The following TAFA2 variants were observed in gnomAD, a reference collection of about 807,000 sequenced individuals.
TAFA2 encodes the protein TAFA chemokine like family member 2, also known as chemokine-like protein TAFA-2.
TAFA2 carries 7 observed loss-of-function variants against 18.8 expected under a neutral mutation model. That is an observed-to-expected ratio of 0.37 (90% CI 0.21 to 0.70). The LOEUF (loss-of-function observed/expected upper bound fraction) is 0.70. Ranked by LOEUF, TAFA2 falls within the 30% of genes least tolerant of loss-of-function variation. The pLI is 0.53. For missense variants in TAFA2, 122 were observed against 158.1 expected, an observed-to-expected ratio of 0.77 and a Z score of 1.23; for synonymous variants, 60 against 54.2, an observed-to-expected ratio of 1.11 and a Z score of -0.47.
intron 1 of TAFA2, among the ~76,000 whole-genome samples, chr12:62,211,851 T>C (rs76212714): frequency 0.022 from 3,361 of 152,312 alleles, 124 homozygotes; most frequent in African/African-American, 0.075. Flanking sequence ...ATATATGTAC[T>C]TGAGTTATTC....
At chr12:61,897,810 T>C (rs1443732261) in intron 1 of TAFA2, among the ~76,000 whole-genome samples, 1 of 152,194 alleles carries the variant, frequency 6.6e-6, no homozygotes, top group Non-Finnish European at 1.5e-5. Context: ...AAACCTATCA[T>C]GCCTTCCCAA....
chr12:61,928,290 C>G (rs1877395769), intron 1 of TAFA2, among the ~76,000 whole-genome samples: 1 of 152,148 alleles, frequency 6.6e-6, no homozygotes, highest in Non-Finnish European at 1.5e-5. Context: ...CCAGAATGTA[C>G]AAGGAACTTA....
At chr12:61,963,003 G>T (rs1352283533) in intron 1 of TAFA2, among the ~76,000 whole-genome samples, 5 of 152,006 alleles carry the variant, frequency 3.3e-5, no homozygotes, top group Non-Finnish European at 5.9e-5. Context: ...GTCTTAGTTT[G>T]CTGAGAATGA....
intron 4 of TAFA2, among the ~76,000 whole-genome samples, chr12:61,722,432 C>A (rs917588153): frequency 2.0e-5 from 3 of 151,960 alleles, no homozygotes; most frequent in Admixed American, 6.6e-5. Context: ...AGTCTAGATG[C>A]CTTTATTTAG....
At chr12:62,159,137 C>A (rs991656221) in intron 1 of TAFA2, among the ~76,000 whole-genome samples, 1 of 152,178 alleles carries the variant, frequency 6.6e-6, no homozygotes, top group African/African-American at 2.4e-5. Context: ...TCTTCTGTTT[C>A]TGTAAATGCG....
intron 2 of TAFA2, among the ~76,000 whole-genome samples, chr12:61,786,185 G>A (rs1870730069): frequency 6.6e-6 from 1 of 151,608 alleles, no homozygotes; most frequent in African/African-American, 2.4e-5. Context: ...TCAAAAGCCA[G>A]ACTAGGAAAT....
At chr12:61,971,184 A>T (rs1879234884) in intron 1 of TAFA2, among the ~76,000 whole-genome samples, 1 of 151,690 alleles carries the variant, frequency 6.6e-6, no homozygotes, top group Non-Finnish European at 1.5e-5. Context: ...ATGAAGGAAG[A>T]CTTCCTGGAA....
intron 1 of TAFA2, chr12:62,206,884 T>C (rs1322298666): frequency 2.6e-5 from 4 of 152,040 alleles, no homozygotes; most frequent in Non-Finnish European, 4.4e-5. Flanking sequence ...TGGTTTTTTT[T>C]ACCATGTTTC....
At chr12:62,041,686 C>G (rs554324405) in intron 1 of TAFA2, among the ~76,000 whole-genome samples, 54 of 152,076 alleles carry the variant, frequency 3.6e-4, no homozygotes, top group Non-Finnish European at 7.4e-4. Context: ...TTATTCCTCT[C>G]CTCAATAAAG....
At chr12:62,059,139 A>ATGTGTGTGTGTGTGTGTGTGTGTGTGTG (rs374882700) in intron 1 of TAFA2, among the ~76,000 whole-genome samples, 3 of 136,328 alleles carry the variant, frequency 2.2e-5, no homozygotes, top group African/African-American at 5.6e-5. Context: ...ATGTGTGTAT[A>ATGTGTGTGTGTGTGTGTGTGTGTGTGTG]TGTGTGTGTG....
chr12:62,135,851 C>T (rs1049016494), intron 1 of TAFA2: 2 of 152,038 alleles, frequency 1.3e-5, no homozygotes, highest in African/African-American at 4.8e-5. Flanking sequence ...TTTTCTTATT[C>T]TGTGATGTGA....
intron 2 of TAFA2, among the ~76,000 whole-genome samples, chr12:61,846,777 A>C (rs1158470783): frequency 6.6e-6 from 1 of 152,212 alleles, no homozygotes; most frequent in Non-Finnish European, 1.5e-5. Context: ...ACATTTTGGT[A>C]GAGGTATTTA....
chr12:61,765,408 C>T (rs930809581), intron 2 of TAFA2, among the ~76,000 whole-genome samples: 3 of 151,966 alleles, frequency 2.0e-5, no homozygotes, highest in African/African-American at 7.2e-5. Context: ...TATGTTAAGC[C>T]AATGATTTTG....
chr12:62,197,794 A>C (rs2062654933), intron 1 of TAFA2, among the ~76,000 whole-genome samples: 1 of 152,134 alleles, frequency 6.6e-6, no homozygotes, highest in African/African-American at 2.4e-5. Context: ...ATTCTTTTTT[A>C]CTTCCAAGTA....
At chr12:62,182,682 T>G (rs1426931165) in intron 1 of TAFA2, among the ~76,000 whole-genome samples, 1 of 152,186 alleles carries the variant, frequency 6.6e-6, no homozygotes, top group Non-Finnish European at 1.5e-5. Context: ...TTGCATAAAT[T>G]TAAACTTCTG....
chr12:61,824,780 G>A (rs1872473196), intron 2 of TAFA2, among the ~76,000 whole-genome samples: 2 of 152,082 alleles, frequency 1.3e-5, no homozygotes, highest in South Asian at 2.1e-4. Context: ...AGTGCTCTGG[G>A]GGATTCAGAG....
intron 2 of TAFA2, among the ~76,000 whole-genome samples, chr12:61,856,303 C>G (rs1481399010): frequency 6.6e-6 from 1 of 151,720 alleles, no homozygotes; most frequent in Non-Finnish European, 1.5e-5. Context: ...ATAAAGAGCT[C>G]TTATAAAGCC....
At chr12:61,817,303 A>T (rs1167810280) in intron 2 of TAFA2, among the ~76,000 whole-genome samples, 1 of 152,146 alleles carries the variant, frequency 6.6e-6, no homozygotes, top group Admixed American at 6.6e-5. Flanking sequence ...TTCCTAACCT[A>T]CCTTCATGTG....
chr12:61,869,714 T>C (rs942151708), intron 1 of TAFA2, among the ~76,000 whole-genome samples: 14 of 152,194 alleles, frequency 9.2e-5, no homozygotes, highest in Non-Finnish European at 1.6e-4. Flanking sequence ...TTGGAACTTA[T>C]TCTCAGTAAA....
Sources: gnomAD v4.1 joint callset for allele counts (sites outside exome capture counted in the v4.1 genomes callset) on GRCh38, gnomAD v4.1.1 for gene constraint, MANE v1.5 for transcripts, NCBI Gene and HGNC (gene_info 2026-07-23, HGNC 2026-07-21) for gene names.